The following THSD7B variants were observed in gnomAD, a reference collection of about 807,000 sequenced individuals.
THSD7B encodes thrombospondin type-1 domain-containing protein 7B.
Under a neutral mutation model 213.6 loss-of-function variants are expected in THSD7B, and 138 were observed. The observed-to-expected ratio is 0.65, with a 90% confidence interval of 0.56 to 0.74. THSD7B has a LOEUF of 0.74. Among genes scored for constraint, THSD7B ranks in the 30% least tolerant of loss-of-function variants. The pLI is 0.00. For synonymous variants in THSD7B, 742 were observed against 687.0 expected (o/e 1.08, Z -1.25); for missense variants, 1,931 against 1,991.5 (o/e 0.97, Z 0.58).
chr2:137,599,962 G>A (rs1573735620), intron 17 of THSD7B, among the ~76,000 whole-genome samples: 1 of 151,956 alleles, frequency 6.6e-6, no homozygotes, highest in Non-Finnish European at 1.5e-5. Context: ...GCCATGCAAG[G>A]CGTGACAATT....
At chr2:137,400,215 AT>A (rs1050229612) in intron 12 of THSD7B, among the ~76,000 whole-genome samples, 1 of 151,560 alleles carries the variant, frequency 6.6e-6, no homozygotes, top group Non-Finnish European at 1.5e-5. Context: ...ATTATCTGGC[AT>A]TTTGAGAATT....
At chr2:137,257,937 G>T (rs1193705178) in intron 10 of THSD7B, among the ~76,000 whole-genome samples, 1 of 152,104 alleles carries the variant, frequency 6.6e-6, no homozygotes, top group African/African-American at 2.4e-5. Context: ...AGCTCTCTGT[G>T]TCTCCATTTT....
At chr2:136,980,703 G>A (rs538998692) in intron 2 of THSD7B, among the ~76,000 whole-genome samples, 48 of 152,316 alleles carry the variant, frequency 3.2e-4, no homozygotes, top group Admixed American at 1.9e-3. Context: ...CCAGCTGAGC[G>A]GTCCCAAGAG....
At position 137,475,445 on chromosome 2, in the gene THSD7B, C is replaced by T. The variant is rs145068047; in HGVS notation, c.3138+24422C>T. Among the ~76,000 whole-genome samples, 716 of 152,208 alleles carry T rather than the reference C, an allele frequency of 4.7e-3. 3 individuals carry two copies. Among genetic ancestry groups the T allele is most frequent in the African/African-American group, 0.016 (681 of 41,536 alleles). ...GGAACTTATTTATTCTCTTAAACTGCTTTCTGTATCCACTAACCAACCTCT... is the reference window on the plus strand; with the variant it reads ...GGAACTTATTTATTCTCTTAAACTGTTTTCTGTATCCACTAACCAACCTCT... On this transcript the variant is annotated intron_variant, in intron 15 of 27. Transcript: ENST00000409968.
Position 137,676,555 on chromosome 2 carries a change from C to T in THSD7B, c.4771C>T (p.Pro1591Ser), listed in dbSNP as rs781702443. Residue 1591 changes from proline to serine, a missense_variant, in exon 28 of 28, where the codon CCC (proline) becomes TCC (serine). By Grantham distance (74) the Pro-to-Ser change is moderately conservative. Transcript: ENST00000409968. ...KKPKPHQSTPPQQKPLTLAYD... is the reference protein window; with the variant it reads ...KKPKPHQSTPSQQKPLTLAYD... ...GCCAAAACCACATCAAAGCACACCT[C>T]CCCAACAGAAGCCTCTGACCTTAGC... The T allele has an allele frequency of 1.7e-5, 27 of 1,598,468 alleles. No homozygotes were observed. The highest frequency in any genetic ancestry group is 1.7e-5 in the Non-Finnish European group (20 of 1,173,128).
chr2:137,235,966 A>C (rs1681754540), intron 9 of THSD7B, among the ~76,000 whole-genome samples: 1 of 152,208 alleles, frequency 6.6e-6, no homozygotes, highest in East Asian at 1.9e-4. Context: ...GACTTTAGTG[A>C]AATTAATTAA....
At chr2:137,569,149 T>G (rs2105231029) in intron 16 of THSD7B, among the ~76,000 whole-genome samples, 1 of 152,022 alleles carries the variant, frequency 6.6e-6, no homozygotes, top group Middle Eastern at 3.4e-3. Flanking sequence ...GAGAAAGGGG[T>G]CACCCAAAGA....
At chr2:137,459,198 TTGAGAG>T (rs1316937985) in intron 15 of THSD7B, among the ~76,000 whole-genome samples, 1 of 152,154 alleles carries the variant, frequency 6.6e-6, no homozygotes, top group African/African-American at 2.4e-5. Context: ...CTAATATCAT[TTGAGAG>T]TAAGATTCTA....
intron 1 of THSD7B, among the ~76,000 whole-genome samples, chr2:136,785,731 A>G (rs1681832221): frequency 6.6e-6 from 1 of 152,218 alleles, no homozygotes; most frequent in South Asian, 2.1e-4. Context: ...AAGCCCTTAC[A>G]GCCCCAGTTC....
At chr2:137,356,882 G>C (rs1685141124) in intron 12 of THSD7B, among the ~76,000 whole-genome samples, 2 of 151,764 alleles carry the variant, frequency 1.3e-5, no homozygotes, top group South Asian at 2.1e-4. Flanking sequence ...CAGTAATACA[G>C]TGTCAATACC....
At chr2:137,479,166 G>T (rs1163424645) in intron 15 of THSD7B, among the ~76,000 whole-genome samples, 1 of 152,146 alleles carries the variant, frequency 6.6e-6, no homozygotes, top group South Asian at 2.1e-4. Context: ...CTCCCAAGTG[G>T]TCTACACTAG....
chr2:137,318,528 G>A (rs989599357), intron 12 of THSD7B, among the ~76,000 whole-genome samples: 40 of 151,798 alleles, frequency 2.6e-4, no homozygotes, highest in African/African-American at 4.8e-4. Context: ...TCACTCCCCC[G>A]CCCCCATCCA....
At chr2:137,398,845 G>C (rs562088283) in intron 12 of THSD7B, among the ~76,000 whole-genome samples, 5 of 152,336 alleles carry the variant, frequency 3.3e-5, no homozygotes, top group Admixed American at 3.3e-4. Context: ...CTCCAAGCCA[G>C]GTGCGGGATA....
chr2:137,136,816 C>G (rs1311175723), intron 5 of THSD7B, among the ~76,000 whole-genome samples: 2 of 152,022 alleles, frequency 1.3e-5, no homozygotes, highest in Non-Finnish European at 2.9e-5. Flanking sequence ...TAATTTTTTT[C>G]TGAAAGACAA....
intron 16 of THSD7B, among the ~76,000 whole-genome samples, chr2:137,565,229 A>G (rs967441621): frequency 1.3e-5 from 2 of 152,280 alleles, no homozygotes; most frequent in East Asian, 1.9e-4. Context: ...TTATTATGGT[A>G]TATGTTTCAG....
intron 12 of THSD7B, among the ~76,000 whole-genome samples, chr2:137,347,082 G>A (rs149357684): frequency 6.6e-6 from 1 of 151,636 alleles, no homozygotes; most frequent in African/African-American, 2.4e-5. Flanking sequence ...CCTCACCAAC[G>A]CTTACTATTT....
At chr2:136,917,290 T>C (rs1326997794) in intron 2 of THSD7B, among the ~76,000 whole-genome samples, 2 of 152,190 alleles carry the variant, frequency 1.3e-5, no homozygotes, top group African/African-American at 2.4e-5. Flanking sequence ...TGTTAGTAAA[T>C]GGAAATATAT....
intron 1 of THSD7B, among the ~76,000 whole-genome samples, chr2:136,871,698 A>G (rs893074184): frequency 4.6e-5 from 7 of 152,328 alleles, no homozygotes; most frequent in African/African-American, 1.7e-4. Flanking sequence ...GTGTAGAAAG[A>G]AGCCGCATAA....
chr2:137,591,039 A>C (rs988707889), intron 17 of THSD7B, among the ~76,000 whole-genome samples: 2 of 151,536 alleles, frequency 1.3e-5, no homozygotes, highest in Non-Finnish European at 3.0e-5. Flanking sequence ...GAGTCTTTCT[A>C]ATTTTATTTC....
Sources: gnomAD v4.1 joint callset for allele counts (sites outside exome capture counted in the v4.1 genomes callset) on GRCh38, gnomAD v4.1.1 for gene constraint, MANE v1.5 for transcripts, NCBI Gene and HGNC (gene_info 2026-07-23, HGNC 2026-07-21) for gene names.